The following ARL15 variants were observed in gnomAD, a reference collection of about 807,000 sequenced individuals.
The protein encoded by ARL15 is ADP-ribosylation factor-like protein 15.
In ARL15, 19 loss-of-function variants were observed where a neutral mutation model predicts 25.2. The ratio of observed to expected loss-of-function variants is 0.75; its 90% confidence interval spans 0.53 to 1.10. The LOEUF (loss-of-function observed/expected upper bound fraction) is 1.10. Ranked by LOEUF, ARL15 falls within the 50% of genes least tolerant of loss-of-function variation. The pLI, the probability that ARL15 is intolerant of heterozygous loss-of-function variation, is 0.00. For missense variants in ARL15, 220 were observed against 246.0 expected (o/e 0.89, Z 0.71); for synonymous variants, 94 against 86.8 (o/e 1.08, Z -0.46).
intron 4 of ARL15, among the ~76,000 whole-genome samples, chr5:54,091,169 G>A (rs1397945919): frequency 6.6e-6 from 1 of 152,086 alleles, no homozygotes; most frequent in Non-Finnish European, 1.5e-5. Context: ...CTACTTTTAT[G>A]TACTACCATC....
At chr5:54,268,858 T>C (rs984142266) in intron 1 of ARL15, among the ~76,000 whole-genome samples, 3 of 152,204 alleles carry the variant, frequency 2.0e-5, no homozygotes, top group African/African-American at 7.2e-5. Flanking sequence ...TAAGAAAATG[T>C]GGCACATATA....
chr5:53,903,957 A>G (rs1745152724), intron 4 of ARL15, among the ~76,000 whole-genome samples: 1 of 152,208 alleles, frequency 6.6e-6, no homozygotes, highest in Admixed American at 6.5e-5. Context: ...GTAACTAAGT[A>G]AAGTCGGGTA....
chr5:54,099,390 T>G (rs1308883992), intron 4 of ARL15, among the ~76,000 whole-genome samples: 1 of 151,608 alleles, frequency 6.6e-6, no homozygotes, highest in Non-Finnish European at 1.5e-5. Context: ...GGCTAATGAT[T>G]AAAAAAAAAT....
chr5:54,248,057 A>C (rs763912743), intron 1 of ARL15, among the ~76,000 whole-genome samples: 10 of 152,098 alleles, frequency 6.6e-5, no homozygotes, highest in Admixed American at 1.3e-4. Context: ...AAGGGAAGAA[A>C]GCTGATGGTA....
intron 4 of ARL15, among the ~76,000 whole-genome samples, chr5:53,998,185 AT>A (rs138109234): frequency 0.016 from 2,463 of 150,832 alleles, 87 homozygotes; most frequent in African/African-American, 0.056. Context: ...TATGAACCAG[AT>A]TTTTGTGAGG....
intron 4 of ARL15, among the ~76,000 whole-genome samples, chr5:54,091,178 T>G (rs1752116718): frequency 6.6e-6 from 1 of 152,184 alleles, no homozygotes; most frequent in Non-Finnish European, 1.5e-5. Context: ...TGTACTACCA[T>G]CTACCATAAT....
intron 4 of ARL15, among the ~76,000 whole-genome samples, chr5:54,063,465 AT>A (rs1262683308): frequency 6.6e-6 from 1 of 152,192 alleles, no homozygotes; most frequent in Non-Finnish European, 1.5e-5. Context: ...CTTACCTGAT[AT>A]AGTAAGATGA....
chr5:54,201,613 T>C (rs538535736), intron 1 of ARL15, among the ~76,000 whole-genome samples: 1 of 152,182 alleles, frequency 6.6e-6, no homozygotes, highest in African/African-American at 2.4e-5. Flanking sequence ...TTATGCTTCT[T>C]CTTAGTAATT....
intron 4 of ARL15, among the ~76,000 whole-genome samples, chr5:53,983,723 C>T (rs1748199919): frequency 6.6e-6 from 1 of 152,198 alleles, no homozygotes; most frequent in Non-Finnish European, 1.5e-5. Context: ...CAACCATGTA[C>T]TGCCGTAGGC....
At chr5:54,291,816 A>G (rs189528827) in intron 1 of ARL15, among the ~76,000 whole-genome samples, 48 of 152,334 alleles carry the variant, frequency 3.2e-4, no homozygotes, top group African/African-American at 1.1e-3. Flanking sequence ...ACTATTTAAT[A>G]GTTTAAGAGT....
intron 4 of ARL15, among the ~76,000 whole-genome samples, chr5:53,918,131 G>A (rs1745716510): frequency 6.6e-6 from 1 of 152,166 alleles, no homozygotes; most frequent in Admixed American, 6.6e-5. Flanking sequence ...ATAATGCAGA[G>A]AGGTTGTCGA....
chr5:54,121,744 C>A (rs1246560212), intron 3 of ARL15, among the ~76,000 whole-genome samples: 1 of 152,078 alleles, frequency 6.6e-6, no homozygotes, highest in Non-Finnish European at 1.5e-5. Context: ...CCTGGCTCTG[C>A]CACATATCAT....
chr5:54,031,085 C>T (rs73112646), intron 4 of ARL15, among the ~76,000 whole-genome samples: 2,505 of 152,134 alleles, frequency 0.016, 75 homozygotes, highest in African/African-American at 0.057. Context: ...AGATAAACTC[C>T]CCCAAACCAG....
chr5:54,232,707 G>A (rs569306935), intron 1 of ARL15, among the ~76,000 whole-genome samples: 2 of 152,192 alleles, frequency 1.3e-5, no homozygotes, highest in South Asian at 2.1e-4. Context: ...GGACCTCTCC[G>A]GTCTGCTCTG....
chr5:54,261,903 A>G (rs773665356), intron 1 of ARL15, among the ~76,000 whole-genome samples: 1 of 152,232 alleles, frequency 6.6e-6, no homozygotes, highest in Admixed American at 6.5e-5. Context: ...AATGTGTTCC[A>G]GAGGATAATG....
chr5:54,242,743 G>T (rs945811031), intron 1 of ARL15, among the ~76,000 whole-genome samples: 1 of 152,086 alleles, frequency 6.6e-6, no homozygotes, highest in South Asian at 2.1e-4. Context: ...GAATGATGTC[G>T]CTCGTGCCTC....
At chr5:54,106,233 T>C (rs1164294535) in intron 4 of ARL15, among the ~76,000 whole-genome samples, 2 of 152,154 alleles carry the variant, frequency 1.3e-5, no homozygotes, top group African/African-American at 4.8e-5. Flanking sequence ...TCGAGGAAGA[T>C]GTGGTTTGTA....
intron 4 of ARL15, among the ~76,000 whole-genome samples, chr5:54,028,721 C>G (rs1282500041): frequency 1.3e-5 from 2 of 152,094 alleles, no homozygotes; most frequent in Admixed American, 1.3e-4. Flanking sequence ...ATCAGAATTA[C>G]TAACAATTGG....
At position 54,048,465 on chromosome 5, in the gene ARL15, C is replaced by T. The variant is rs190230998; in HGVS notation, c.462+64737G>A. ...TTGCCTAGGCTAGAATGCAATGGCA[C>T]GATCTCAGCTCACTGCAACCTCCGC... On this transcript the variant is annotated intron_variant, in intron 4 of 4. Coordinates refer to ENST00000504924, the MANE Select transcript of ARL15 (RefSeq NM_019087.3). Among the ~76,000 whole-genome samples the T allele has an allele frequency of 5.3e-3, 790 of 148,268 alleles. 4 individuals carry two copies. Among genetic ancestry groups the T allele is most frequent in the Admixed American group, 0.012 (173 of 14,854 alleles).
Sources: gnomAD v4.1 joint callset for allele counts (sites outside exome capture counted in the v4.1 genomes callset) on GRCh38, gnomAD v4.1.1 for gene constraint, MANE v1.5 for transcripts, NCBI Gene and HGNC (gene_info 2026-07-23, HGNC 2026-07-21) for gene names.